ELMOD3: variants seen among roughly 807,000 people sequenced by gnomAD.
The protein encoded by ELMOD3 is ELMO domain-containing protein 3.
A neutral mutation model predicts 47.4 loss-of-function variants in ELMOD3; 36 were observed. That is an observed-to-expected ratio of 0.76 (90% CI 0.58 to 1.00). The LOEUF is 1.00. Ranked by LOEUF, ELMOD3 falls within the 50% of genes least tolerant of loss-of-function variation. The pLI is 0.00. For missense variants in ELMOD3, 404 were observed against 463.8 expected (o/e 0.87, Z 1.18); for synonymous variants, 149 against 183.5 (o/e 0.81, Z 1.52).
intron 6 of ELMOD3, among the ~76,000 whole-genome samples, chr2:85,363,561 A>G (rs1389780344): frequency 2.0e-5 from 3 of 152,234 alleles, no homozygotes; most frequent in Admixed American, 6.5e-5. Context: ...GGAGAAAGGT[A>G]CACTCCAGCC....
chr2:85,377,889 C>A (rs541306588), intron 11 of ELMOD3, among the ~76,000 whole-genome samples: 3 of 152,104 alleles, frequency 2.0e-5, no homozygotes. Flanking sequence ...ACTGCTGTGT[C>A]CGGTTTCTAT....
At chr2:85,362,396 G>A (rs1573088828) in intron 5 of ELMOD3, 136 bp downstream of exon 5, 2 of 652,396 alleles carry the variant, frequency 3.1e-6, no homozygotes, top group East Asian at 5.3e-5. Context: ...CACTTGAGGG[G>A]AGTGAGGGGA....
intron 4 of ELMOD3, among the ~76,000 whole-genome samples, chr2:85,357,787 A>T (rs1683667097): frequency 2.0e-5 from 3 of 152,326 alleles, no homozygotes; most frequent in African/African-American, 7.2e-5. Context: ...ACTGTTCCAA[A>T]GAGGGAAGTC....
At chr2:85,390,294 G>T in intron 13 of ELMOD3, 29 bp downstream of exon 13, 2 of 1,614,120 alleles carry the variant, frequency 1.2e-6, no homozygotes, top group South Asian at 2.2e-5. Context: ...GGAGGCCTAG[G>T]CTGAATGCAC....
At chr2:85,373,239 A>G (rs1203070667) in intron 10 of ELMOD3, among the ~76,000 whole-genome samples, 1 of 151,698 alleles carries the variant, frequency 6.6e-6, no homozygotes, top group Non-Finnish European at 1.5e-5. Flanking sequence ...TGACACAACA[A>G]GACTCTGTCT....
At chr2:85,383,641 T>C (rs186471076) in intron 11 of ELMOD3, among the ~76,000 whole-genome samples, 206 of 152,134 alleles carry the variant, frequency 1.4e-3, no homozygotes, top group African/African-American at 4.5e-3. Context: ...TTGAACAAAT[T>C]TGGGGAGATC....
At chr2:85,369,667 G>C (rs1684646852) in intron 7 of ELMOD3, 72 bp from the exon 8 acceptor site, 5 of 1,520,522 alleles carry the variant, frequency 3.3e-6, no homozygotes, top group Non-Finnish European at 4.5e-6. Flanking sequence ...GTGACAAGTA[G>C]GAGGGCCTCA....
At position 85,366,056 on chromosome 2, in the gene ELMOD3, T is replaced by C. The variant is rs562145444; in HGVS notation, c.200-2630T>C. On this transcript the variant is annotated intron_variant, in intron 6 of 13. Transcript: ENST00000409013. ...TCACTGCAACCTCCGCCTCCCGAGTTCAAGTGATTCTCCTGCCTCAGCCTC... is the reference window on the plus strand; with the variant it reads ...TCACTGCAACCTCCGCCTCCCGAGTCCAAGTGATTCTCCTGCCTCAGCCTC... 3.7e-4 allele frequency among the ~76,000 whole-genome samples: 57 copies of C among 152,106 alleles called. 2 individuals carry two copies. In the South Asian group the frequency reaches 0.012, roughly 31 times the overall value.
intron 6 of ELMOD3, chr2:85,367,705 A>G (rs571104343): frequency 1.3e-5 from 2 of 152,324 alleles, no homozygotes; most frequent in South Asian, 4.1e-4. Context: ...AAAAATTTAA[A>G]AACAAAAAGA....
intron 5 of ELMOD3, 72 bp from the exon 6 acceptor site, chr2:85,363,025 G>T: frequency 1.1e-6 from 1 of 917,092 alleles, no homozygotes; most frequent in South Asian, 1.4e-5. Context: ...TCAGTACAGT[G>T]GGTGGGAAGC....
At chr2:85,360,476 C>G (rs1029625416) in intron 4 of ELMOD3, among the ~76,000 whole-genome samples, 1 of 151,798 alleles carries the variant, frequency 6.6e-6, no homozygotes, top group East Asian at 2.0e-4. Flanking sequence ...GCCTCAGCCA[C>G]CTGAGTAGCT....
At chr2:85,375,098 C>A (rs961245666) in intron 10 of ELMOD3, among the ~76,000 whole-genome samples, 2 of 150,664 alleles carry the variant, frequency 1.3e-5, no homozygotes, top group Non-Finnish European at 2.9e-5. Context: ...AAAAAAAAAT[C>A]TTTGCTTTGT....
intron 7 of ELMOD3, 74 bp downstream of exon 7, chr2:85,368,828 G>A (rs1402473586): frequency 3.4e-6 from 5 of 1,482,046 alleles, no homozygotes; most frequent in Non-Finnish European, 4.7e-6. Flanking sequence ...TGTGGCAAAT[G>A]TTTCTGTGAG....
intron 10 of ELMOD3, 147 bp downstream of exon 10, chr2:85,371,709 T>C (rs1684800955): frequency 1.1e-5 from 13 of 1,204,618 alleles, no homozygotes; most frequent in Non-Finnish European, 1.5e-5. Context: ...GCAAAAGCCC[T>C]GAGGGGGCGC....
intron 4 of ELMOD3, among the ~76,000 whole-genome samples, chr2:85,359,870 G>A (rs1683826440): frequency 6.6e-6 from 1 of 152,124 alleles, no homozygotes. Context: ...TGTCAAGGTG[G>A]CTTGAGCCCA....
intron 6 of ELMOD3, among the ~76,000 whole-genome samples, chr2:85,364,568 G>A (rs1181733210): frequency 6.8e-6 from 1 of 147,910 alleles, no homozygotes; most frequent in African/African-American, 2.5e-5. Context: ...TGGCAGCAAA[G>A]CAAGACTCCA....
At chr2:85,381,303 A>T (rs1277416256) in intron 11 of ELMOD3, among the ~76,000 whole-genome samples, 7 of 152,234 alleles carry the variant, frequency 4.6e-5, no homozygotes, top group Admixed American at 3.3e-4. Flanking sequence ...TCATTATAAG[A>T]TAAGTCATTC....
chr2:85,370,429 A>C (rs1232488398), intron 8 of ELMOD3, among the ~76,000 whole-genome samples: 1 of 151,980 alleles, frequency 6.6e-6, no homozygotes, highest in African/African-American at 2.4e-5. Flanking sequence ...TAAAAAAAAA[A>C]AAAAAGCTGG....
chr2:85,389,508 G>C, intron 11 of ELMOD3: 1 of 572,054 alleles, frequency 1.7e-6, no homozygotes, highest in East Asian at 3.0e-5. Flanking sequence ...ATCAGCTCTG[G>C]AGCAAATAAC....
Sources: gnomAD v4.1 joint callset for allele counts (sites outside exome capture counted in the v4.1 genomes callset) on GRCh38, gnomAD v4.1.1 for gene constraint, MANE v1.5 for transcripts, NCBI Gene and HGNC (gene_info 2026-07-23, HGNC 2026-07-21) for gene names.